Variants in GSE1 observed in about 807,000 individuals in gnomAD.
The protein encoded by GSE1 is Gse1 coiled-coil protein, also known as genetic suppressor element 1.
In GSE1, 32 loss-of-function variants were observed where a neutral mutation model predicts 112.6. That is an observed-to-expected ratio of 0.28 (90% confidence interval 0.21 to 0.38). GSE1 has a LOEUF of 0.38. Among genes scored for constraint, GSE1 ranks in the 10% least tolerant of loss-of-function variants. The pLI, the probability that GSE1 is intolerant of heterozygous loss-of-function variation, is 1.00. For synonymous variants in GSE1, 1,115 were observed against 735.6 expected (o/e 1.52, Z -8.35); for missense variants, 2,348 against 1,699.2 (o/e 1.38, Z -6.71).
chr16:85,312,217 G>C (rs1040327692), intron 1 of GSE1, among the ~76,000 whole-genome samples: 1 of 148,892 alleles, frequency 6.7e-6, no homozygotes, highest in South Asian at 2.1e-4. Context: ...GGGGGGGGGG[G>C]ACACACTTAC....
intron 2 of GSE1, among the ~76,000 whole-genome samples, chr16:85,454,310 C>T (rs936116290): frequency 6.6e-6 from 1 of 152,240 alleles, no homozygotes; most frequent in Non-Finnish European, 1.5e-5. Context: ...GTTCCTCGCC[C>T]TCAGCCCTGG....
intron 1 of GSE1, among the ~76,000 whole-genome samples, chr16:85,567,064 A>AC (rs1309540247): frequency 4.4e-5 from 2 of 45,470 alleles, no homozygotes; most frequent in South Asian, 8.1e-4. Flanking sequence ...CCCCACCCCC[A>AC]CCCCCCTCCG....
At chr16:85,597,350 G>T in intron 1 of GSE1, among the ~76,000 whole-genome samples, 1 of 138,058 alleles carries the variant, frequency 7.2e-6, no homozygotes, top group East Asian at 2.1e-4. Context: ...CTCCAGCCTG[G>T]GCAACAGAGT....
upstream of GSE1, chr16:85,613,279 G>C: frequency 1.3e-6 from 2 of 1,536,126 alleles, no homozygotes; most frequent in South Asian, 1.2e-5. Context: ...CCTCCCCAGC[G>C]GGCCCGAGCT....
At chr16:85,560,910 C>A (rs1218502953) in intron 1 of GSE1, among the ~76,000 whole-genome samples, 1 of 152,136 alleles carries the variant, frequency 6.6e-6, no homozygotes, top group East Asian at 1.9e-4. Flanking sequence ...GGGTGGATCA[C>A]TTGAGCCCAG....
chr16:85,458,180 C>A (rs1157177443), intron 2 of GSE1, among the ~76,000 whole-genome samples: 6 of 152,210 alleles, frequency 3.9e-5, no homozygotes, highest in African/African-American at 1.4e-4. Context: ...GTGGGCCAGC[C>A]ATTTCTGGAC....
intron 1 of GSE1, among the ~76,000 whole-genome samples, chr16:85,269,514 C>A (rs1908613441): frequency 6.7e-6 from 1 of 149,316 alleles, no homozygotes; most frequent in African/African-American, 2.4e-5. Context: ...AACACTCTTT[C>A]CTGTTAGGGA....
chr16:85,375,116 A>G (rs1424692654), intron 2 of GSE1, among the ~76,000 whole-genome samples: 1 of 152,070 alleles, frequency 6.6e-6, no homozygotes, highest in African/African-American at 2.4e-5. Flanking sequence ...ACGGGCTGGG[A>G]CTGTAGGATA....
chr16:85,390,848 G>A (rs777164656), intron 2 of GSE1, among the ~76,000 whole-genome samples: 7 of 152,304 alleles, frequency 4.6e-5, no homozygotes, highest in South Asian at 4.1e-4. Context: ...ATTGGACTGC[G>A]AATGTTATGA....
chr16:85,662,124 A>G (rs528565628), intron 9 of GSE1, among the ~76,000 whole-genome samples: 10 of 152,334 alleles, frequency 6.6e-5, no homozygotes, highest in South Asian at 4.1e-4. Context: ...GCCTGGGCTC[A>G]GCGGGGGCTC....
intron 14 of GSE1, among the ~76,000 whole-genome samples, chr16:85,669,931 C>A (rs745416655): frequency 6.6e-6 from 1 of 152,366 alleles, no homozygotes; most frequent in Non-Finnish European, 1.5e-5. Flanking sequence ...TCTCAGCTAC[C>A]GCTCAGCTGT....
intron 1 of GSE1, among the ~76,000 whole-genome samples, chr16:85,216,101 G>T (rs1056566840): frequency 6.6e-6 from 1 of 152,248 alleles, no homozygotes; most frequent in Non-Finnish European, 1.5e-5. Flanking sequence ...AGGACTGAGC[G>T]AGAGGGTGGC....
chr16:85,439,177 C>T (rs763809910), intron 2 of GSE1, among the ~76,000 whole-genome samples: 1 of 152,236 alleles, frequency 6.6e-6, no homozygotes, highest in African/African-American at 2.4e-5. Context: ...TGGCCCCTCA[C>T]CCGGCACTGA....
At chr16:85,594,283 C>T (rs2047128932) in intron 1 of GSE1, 1 of 151,784 alleles carries the variant, frequency 6.6e-6, no homozygotes, top group Admixed American at 6.6e-5. Context: ...AACCGCCAGA[C>T]CTCCCTGCCC....
intron 12 of GSE1, 131 bp from the exon 13 acceptor site, chr16:85,665,845 G>A (rs1017247907): frequency 1.2e-6 from 1 of 822,882 alleles, no homozygotes; most frequent in Non-Finnish European, 2.0e-6. Flanking sequence ...TTACTTAAAT[G>A]TTCCCCGGGT....
intron 2 of GSE1, among the ~76,000 whole-genome samples, chr16:85,506,475 A>T (rs2151922738): frequency 6.6e-6 from 1 of 152,078 alleles, no homozygotes; most frequent in East Asian, 1.9e-4. Context: ...CTTCCAGGAA[A>T]AGGGGGCAAG....
intron 1 of GSE1, among the ~76,000 whole-genome samples, chr16:85,631,840 C>T (rs561392807): frequency 6.6e-6 from 1 of 152,258 alleles, no homozygotes; most frequent in South Asian, 2.1e-4. Context: ...GAAGCTGGGT[C>T]TGAGCCACAG....
intron 2 of GSE1, among the ~76,000 whole-genome samples, chr16:85,454,667 A>G (rs1597804397): frequency 6.6e-6 from 1 of 152,164 alleles, no homozygotes; most frequent in Admixed American, 6.5e-5. Flanking sequence ...CTGGCGGAGG[A>G]TCTGTTCCAG....
At chr16:85,602,536 TCTGTC>T (rs1246919947) in intron 1 of GSE1, among the ~76,000 whole-genome samples, 1 of 151,986 alleles carries the variant, frequency 6.6e-6, no homozygotes, top group Non-Finnish European at 1.5e-5. Context: ...CCGACCCACA[TCTGTC>T]CTGGGCCTAG....
Sources: allele counts gnomAD v4.1 joint callset (sites outside exome capture counted in the v4.1 genomes callset), GRCh38; gene constraint gnomAD v4.1.1; transcripts MANE v1.5; gene names NCBI Gene and HGNC (gene_info 2026-07-23, HGNC 2026-07-21).